Variants in GNAQ observed in about 807,000 individuals in gnomAD.
GNAQ encodes the protein G protein subunit alpha q.
A neutral mutation model predicts 43.9 loss-of-function variants in GNAQ; 8 were observed. That is an observed-to-expected ratio of 0.18 (90% CI 0.11 to 0.33). GNAQ has a LOEUF of 0.33. Ranked by LOEUF, GNAQ falls within the 10% of genes least tolerant of loss-of-function variation. The pLI is 1.00. For synonymous variants in GNAQ, 155 were observed against 170.7 expected (o/e 0.91, Z 0.71); for missense variants, 158 against 450.8 (o/e 0.35, Z 5.88).
chr9:78,012,510 G>T (rs1041251683), intron 1 of GNAQ, among the ~76,000 whole-genome samples: 2 of 151,984 alleles, frequency 1.3e-5, no homozygotes, highest in African/African-American at 4.8e-5. Flanking sequence ...CCTGGCCTCG[G>T]AAAGGCATTT....
intron 2 of GNAQ, among the ~76,000 whole-genome samples, chr9:77,894,631 C>G (rs1283894460): frequency 6.6e-6 from 1 of 150,744 alleles, no homozygotes; most frequent in African/African-American, 2.4e-5. Context: ...CCATGTTGAC[C>G]AGGAAGGTCT....
At chr9:78,018,932 T>C (rs569900791) in intron 1 of GNAQ, among the ~76,000 whole-genome samples, 4 of 152,270 alleles carry the variant, frequency 2.6e-5, no homozygotes, top group South Asian at 4.1e-4. Context: ...AATTCATAGG[T>C]AGACTCCAGG....
At chr9:77,946,527 C>G (rs1470998730) in intron 1 of GNAQ, among the ~76,000 whole-genome samples, 1 of 152,168 alleles carries the variant, frequency 6.6e-6, no homozygotes, top group Non-Finnish European at 1.5e-5. Context: ...TGCCTGCACC[C>G]CACAAACCAA....
chr9:77,967,648 C>G (rs1317542377), intron 1 of GNAQ, among the ~76,000 whole-genome samples: 2 of 152,072 alleles, frequency 1.3e-5, no homozygotes, highest in Admixed American at 6.6e-5. Flanking sequence ...TAGTGGTTAT[C>G]AGAGGTGGGG....
chr9:77,723,964 C>T (rs894471027), intron 6 of GNAQ, among the ~76,000 whole-genome samples: 2 of 152,080 alleles, frequency 1.3e-5, no homozygotes, highest in African/African-American at 4.8e-5. Context: ...CTGAATTGTA[C>T]ACTTTAAATA....
intron 1 of GNAQ, among the ~76,000 whole-genome samples, chr9:77,939,708 G>A (rs752767618): frequency 2.4e-4 from 36 of 152,174 alleles, no homozygotes; most frequent in Non-Finnish European, 5.1e-4. Flanking sequence ...CCTAATTTTA[G>A]AGTAGGTAAT....
intron 2 of GNAQ, among the ~76,000 whole-genome samples, chr9:77,880,635 G>A (rs192973842): frequency 2.9e-4 from 44 of 150,992 alleles, no homozygotes; most frequent in African/African-American, 1.1e-3. Flanking sequence ...ATTTGAGAAA[G>A]CCTACTTCAT....
At chr9:77,724,938 A>C (rs906038464) in intron 6 of GNAQ, among the ~76,000 whole-genome samples, 2 of 152,150 alleles carry the variant, frequency 1.3e-5, no homozygotes, top group African/African-American at 4.8e-5. Context: ...AGAAGTAATA[A>C]AAACTATTCA....
chr9:77,950,124 G>T (rs554883598), intron 1 of GNAQ, among the ~76,000 whole-genome samples: 1 of 152,034 alleles, frequency 6.6e-6, no homozygotes, highest in East Asian at 1.9e-4. Flanking sequence ...TGTTCTTACC[G>T]GGTTCCCTTC....
intron 6 of GNAQ, among the ~76,000 whole-genome samples, chr9:77,726,020 G>T (rs1825392694): frequency 6.6e-6 from 1 of 152,090 alleles, no homozygotes. Flanking sequence ...CCTCGAGTGT[G>T]TGTGTGTGTG....
At chr9:77,763,616 C>T (rs1047533966) in intron 5 of GNAQ, among the ~76,000 whole-genome samples, 4 of 152,084 alleles carry the variant, frequency 2.6e-5, no homozygotes, top group African/African-American at 7.2e-5. Flanking sequence ...TATTGTATTG[C>T]GATGGATCAA....
intron 3 of GNAQ, among the ~76,000 whole-genome samples, chr9:77,810,888 T>C (rs1826910726): frequency 6.6e-6 from 1 of 152,146 alleles, no homozygotes; most frequent in African/African-American, 2.4e-5. Flanking sequence ...CTGTTACTGG[T>C]GTTGGGCAAG....
chr9:77,831,593 C>T lies in GNAQ; in HGVS notation c.322-15823G>A, dbSNP rs562033899. Among the ~76,000 whole-genome samples the T allele has an allele frequency of 8.5e-5, 13 of 152,290 alleles. No individual in the cohort carries two copies. The East Asian group carries it at 9.6e-4, about 11-fold the overall frequency. On this transcript the variant is annotated intron_variant, in intron 2 of 6. Transcript: ENST00000286548. Reference sequence around the variant, plus strand: ...AGCATTCTGAGGACCAGATGACATACGCTTTCAATGTGACAGAATTATCTG... The same window carrying T: ...AGCATTCTGAGGACCAGATGACATATGCTTTCAATGTGACAGAATTATCTG...
intron 1 of GNAQ, among the ~76,000 whole-genome samples, chr9:78,008,069 T>G (rs1823728631): frequency 6.6e-6 from 1 of 152,060 alleles, no homozygotes; most frequent in Non-Finnish European, 1.5e-5. Context: ...ATTACCAAAT[T>G]AAAGAAGAAA....
chr9:77,898,214 T>C (rs1452713261), intron 2 of GNAQ, among the ~76,000 whole-genome samples: 2 of 152,220 alleles, frequency 1.3e-5, no homozygotes, highest in Non-Finnish European at 2.9e-5. Flanking sequence ...TGTTACTTAA[T>C]GCTAATAAAA....
At chr9:77,881,482 G>A (rs1828205547) in intron 2 of GNAQ, among the ~76,000 whole-genome samples, 1 of 152,212 alleles carries the variant, frequency 6.6e-6, no homozygotes, top group African/African-American at 2.4e-5. Flanking sequence ...GGGCTTGAGT[G>A]ATCCTCCCAC....
chr9:77,986,363 T>C (rs564081689), intron 1 of GNAQ, among the ~76,000 whole-genome samples: 28 of 152,302 alleles, frequency 1.8e-4, no homozygotes, highest in African/African-American at 6.0e-4. Flanking sequence ...ACTGTGACTA[T>C]TGCTAATGAA....
intron 5 of GNAQ, among the ~76,000 whole-genome samples, chr9:77,731,225 A>G (rs1281500677): frequency 6.6e-6 from 1 of 152,180 alleles, no homozygotes; most frequent in Non-Finnish European, 1.5e-5. Flanking sequence ...GACTATGCGC[A>G]GAGACAGGGA....
chr9:77,739,293 C>T (rs1020752827), intron 5 of GNAQ, among the ~76,000 whole-genome samples: 2 of 152,132 alleles, frequency 1.3e-5, no homozygotes, highest in African/African-American at 2.4e-5. Flanking sequence ...GAAGATTTTC[C>T]AACAGATTAC....
Sources: allele counts gnomAD v4.1 joint callset (sites outside exome capture counted in the v4.1 genomes callset), GRCh38; gene constraint gnomAD v4.1.1; transcripts MANE v1.5; gene names NCBI Gene and HGNC (gene_info 2026-07-23, HGNC 2026-07-21).